Variants in OR2G6 observed in about 807,000 individuals in gnomAD.
OR2G6 encodes olfactory receptor family 2 subfamily G member 6, also known as olfactory receptor 2G6.
For synonymous variants in OR2G6, 183 were observed against 155.2 expected (o/e 1.18, Z -1.33); for missense variants, 457 against 391.3 (o/e 1.17, Z -1.42).
rs1664382105 is a variant in OR2G6, at chr1:248,525,728, A to G, written c.*3131A>G. The G allele has an allele frequency of 6.6e-6, 1 of 152,146 alleles. No individual in the cohort carries two copies. The highest frequency in any genetic ancestry group is 1.5e-5 in the Non-Finnish European group (1 of 68,016). 9.4% of individuals were successfully genotyped at this position (152,146 alleles called of 1,614,324 possible). A position where few individuals can be genotyped will look rare whatever the true frequency, so the allele number is the denominator to read the frequency against. On this transcript the variant is annotated 3_prime_UTR_variant, in exon 2 of 2. Coordinates refer to ENST00000641804, the MANE Select transcript of OR2G6 (RefSeq NM_001013355.2). ...ATCAAATTCACACATAAAAATATTA[A>G]TCTTAGGCAGGGCACAGTGGCTCAC...
chr1:248,521,937 T>C lies in OR2G6; in HGVS notation c.291T>C (p.Cys97=), dbSNP rs903952612. The C allele has an allele frequency of 1.9e-6, 3 of 1,614,032 alleles. No individual in the cohort carries two copies. The African/African-American group carries it at 4.0e-5, about 22-fold the overall frequency. Residue 97 remains cysteine, a synonymous_variant, in exon 2 of 2, where the codon TGT becomes TGC. Coordinates refer to ENST00000641804, the MANE Select transcript of OR2G6 (RefSeq NM_001013355.2). The part of the protein sequence containing the change: ...KKDKTMSYGG[C]VAQLYVAMGL... ...ACAAAACCATGAGCTACGGTGGCTG[T>C]GTGGCCCAGCTCTATGTGGCCATGG...
chr1:248,519,791 C>T (rs180825833), intron 1 of OR2G6, among the ~76,000 whole-genome samples: 70 of 152,190 alleles, frequency 4.6e-4, no homozygotes, highest in African/African-American at 1.6e-3. Flanking sequence ...GTCCTTTTTG[C>T]TTAGGATTGT....
At position 248,526,838 on chromosome 1, in the gene OR2G6, G is replaced by GT. The variant is rs1355261101; in HGVS notation, c.*4241_*4242insT. The stretch of plus-strand genomic sequence containing the variant: ...CATATCTTTCGCCCACTTTTTGATG[G>GT]GTTTTTTTTTTCTTGTAAATTTGTT... On this transcript the variant is annotated 3_prime_UTR_variant, in exon 2 of 2. Coordinates refer to ENST00000641804, the MANE Select transcript of OR2G6 (RefSeq NM_001013355.2). 3.5e-5 allele frequency: 5 copies of GT among 141,996 alleles called. No individual in the cohort carries two copies. The highest frequency in any genetic ancestry group is 1.4e-4 in the African/African-American group (5 of 34,522). The allele number at this position is 141,996 out of a possible 1,614,324, so 8.8% of individuals were successfully genotyped here.
Position 248,524,494 on chromosome 1 carries a change from T to C in OR2G6, c.*1897T>C, listed in dbSNP as rs1664355392. 6.6e-6 allele frequency: 1 copy of C among 152,166 alleles called. No individual in the cohort carries two copies. The highest frequency in any genetic ancestry group is 2.4e-5 in the African/African-American group (1 of 41,446). 9.4% of individuals were successfully genotyped at this position (152,166 alleles called of 1,614,324 possible). On this transcript the variant is annotated 3_prime_UTR_variant, in exon 2 of 2. Coordinates refer to ENST00000641804, the MANE Select transcript of OR2G6 (RefSeq NM_001013355.2). ...AGGAAGCGTCACATGTACAAATGCA[T>C]TATTCCTGATAACCCGAGCAACACA...
chr1:248,522,303 C>T lies in OR2G6; in HGVS notation c.657C>T (p.Gly219=), dbSNP rs868529409. Reference sequence around the variant, plus strand: ...TGTTACTCATCTTAGTCTCCTATGGCTTTATCACTCAAGCTGTGTTAAGGA... The same window carrying T: ...TGTTACTCATCTTAGTCTCCTATGGTTTTATCACTCAAGCTGTGTTAAGGA... The part of the protein sequence containing the change: ...VPVLLILVSY[G]FITQAVLRIK... Residue 219 remains glycine, a synonymous_variant, in exon 2 of 2, where the codon GGC becomes GGT. Coordinates refer to ENST00000641804, the MANE Select transcript of OR2G6 (RefSeq NM_001013355.2). 1.2e-6 allele frequency: 2 copies of T among 1,614,058 alleles called. No homozygotes were observed. Among genetic ancestry groups the T allele is most frequent in the Admixed American group, 1.7e-5 (1 of 59,998 alleles).
Position 248,522,186 on chromosome 1 carries a change from G to T in OR2G6, c.540G>T (p.Glu180Asp), listed in dbSNP as rs371447138. The T allele has an allele frequency of 1.5e-5, 25 of 1,614,134 alleles. No individual in the cohort carries two copies. In the African/African-American group the frequency reaches 3.2e-4, roughly 21 times the overall value. ...GCACACTGGATCATATTTTCTGTGAGGTGCCAGTGCTCATCAAACTGGCCT... is the reference window on the plus strand; with the variant it reads ...GCACACTGGATCATATTTTCTGTGATGTGCCAGTGCTCATCAAACTGGCCT... Reference protein sequence around the residue: ...GHRTLDHIFCEVPVLIKLACV... With the variant: ...GHRTLDHIFCDVPVLIKLACV... Residue 180 changes from glutamate (E) to aspartate (D), a missense_variant, in exon 2 of 2, where the codon GAG (glutamate) becomes GAT (aspartate). Physicochemically the swap from Glu to Asp is conservative, Grantham distance 45 (BLOSUM62 2). Coordinates refer to ENST00000641804, the MANE Select transcript of OR2G6 (RefSeq NM_001013355.2).
chr1:248,522,443 G>C lies in OR2G6; in HGVS notation c.797G>C (p.Arg266Thr). 1.2e-6 allele frequency: 2 copies of C among 1,614,088 alleles called. No individual in the cohort carries two copies. The highest frequency in any genetic ancestry group is 1.7e-6 in the Non-Finnish European group (2 of 1,180,022). ...IFMYLQPANR[R>T]SKNQGKFVSL... ...ATGTACCTTCAACCGGCCAATAGGAGATCCAAAAACCAGGGAAAGTTTGTT... is the reference window on the plus strand; with the variant it reads ...ATGTACCTTCAACCGGCCAATAGGACATCCAAAAACCAGGGAAAGTTTGTT... The change falls in exon 2 of 2, where the codon AGA becomes ACA. Residue 266 changes from arginine (R) to threonine (T), a missense_variant. Physicochemically the swap from Arg to Thr is moderately conservative, Grantham distance 71. Transcript: ENST00000641804.
rs1664371555 is a variant in OR2G6, at chr1:248,525,259, C to T, written c.*2662C>T. The stretch of plus-strand genomic sequence containing the variant: ...ACAATTAGTAAATCTAAAACAGGTA[C>T]ACATCAGTCAATTTGCACACATTAC... On this transcript the variant is annotated 3_prime_UTR_variant, in exon 2 of 2. Transcript: ENST00000641804. The T allele has an allele frequency of 6.6e-6, 1 of 151,866 alleles. No homozygotes were observed. Among genetic ancestry groups the T allele is most frequent in the Non-Finnish European group, 1.5e-5 (1 of 67,974 alleles). The allele number at this position is 151,866 out of a possible 1,614,324, so 9.4% of individuals were successfully genotyped here. A position where few individuals can be genotyped will look rare whatever the true frequency, so the allele number is the denominator to read the frequency against.
At chr1:248,521,095 C>T (rs12740504) in intron 1 of OR2G6, among the ~76,000 whole-genome samples, 33,880 of 147,150 alleles carry the variant, frequency 0.23, 4,369 homozygotes, top group African/African-American at 0.34. Flanking sequence ...TGGTGGCACA[C>T]GCCTGTAGTC....
At chr1:248,521,526 A>T in intron 1 of OR2G6, 85 bp from the exon 2 acceptor site, 1 of 704,164 alleles carries the variant, frequency 1.4e-6, no homozygotes, top group Non-Finnish European at 2.4e-6. Context: ...TAGGTGATAT[A>T]TAAGGAAGAT....
rs143651899 is a variant in OR2G6 at position 248,522,421 on chromosome 1, T to C, written c.775T>C (p.Tyr259His). The C allele has an allele frequency of 6.8e-6, 11 of 1,614,078 alleles. No homozygotes were observed. The highest frequency in any genetic ancestry group is 3.3e-4 in the Middle Eastern group (2 of 6,084). The change falls in exon 2 of 2, where the codon TAC (tyrosine) becomes CAC (histidine). Residue 259 changes from tyrosine (Y) to histidine (H), a missense_variant. Physicochemically the swap from Tyr to His is moderately conservative, Grantham distance 83. Transcript: ENST00000641804. ...TTTCTATGGGACCATCATATTCATG[T>C]ACCTTCAACCGGCCAATAGGAGATC... ...IIFYGTIIFM[Y>H]LQPANRRSKN...
Position 248,523,799 on chromosome 1 carries a change from A to G in OR2G6, c.*1202A>G, listed in dbSNP as rs1664341902. On this transcript the variant is annotated 3_prime_UTR_variant, in exon 2 of 2. Transcript: ENST00000641804. ...TTAAGAGAACTGTGCAATTATAGAA[A>G]AAAGTGATTTAATCTGTGGTTGTAA... 1 of 152,196 alleles carries G rather than the reference A, an allele frequency of 6.6e-6. No individual in the cohort carries two copies. Among genetic ancestry groups the G allele is most frequent in the Non-Finnish European group, 1.5e-5 (1 of 68,044 alleles). 9.4% of individuals were successfully genotyped at this position (152,196 alleles called of 1,614,324 possible). A position where few individuals can be genotyped will look rare whatever the true frequency, so the allele number is the denominator to read the frequency against.
In OR2G6 at chr1:248,525,270, A is replaced by C. The variant is rs984307781; in HGVS notation, c.*2673A>C. On this transcript the variant is annotated 3_prime_UTR_variant, in exon 2 of 2. Coordinates refer to ENST00000641804, the MANE Select transcript of OR2G6 (RefSeq NM_001013355.2). ...ATCTAAAACAGGTACACATCAGTCAATTTGCACACATTACTAGCTTGATCT... is the reference window on the plus strand; with the variant it reads ...ATCTAAAACAGGTACACATCAGTCACTTTGCACACATTACTAGCTTGATCT... 1.1e-4 allele frequency: 16 copies of C among 152,122 alleles called. No homozygotes were observed. The highest frequency in any genetic ancestry group is 3.6e-4 in the African/African-American group (15 of 41,422). The allele number at this position is 152,122 out of a possible 1,614,324, so 9.4% of individuals were successfully genotyped here. A position where few individuals can be genotyped will look rare whatever the true frequency, so the allele number is the denominator to read the frequency against.
chr1:248,522,193 G>C lies in OR2G6; in HGVS notation c.547G>C (p.Val183Leu). 6.2e-7 allele frequency: 1 copy of C among 1,614,174 alleles called. No homozygotes were observed. Among genetic ancestry groups the C allele is most frequent in the Non-Finnish European group, 8.5e-7 (1 of 1,180,034 alleles). The change falls in exon 2 of 2, where the codon GTG becomes CTG. Residue 183 changes from valine to leucine, a missense_variant. By Grantham distance (32) the Val-to-Leu change is conservative (BLOSUM62 1). Coordinates refer to ENST00000641804, the MANE Select transcript of OR2G6 (RefSeq NM_001013355.2). Reference protein sequence around the residue: ...TLDHIFCEVPVLIKLACVDTT... With the variant: ...TLDHIFCEVPLLIKLACVDTT... ...GGATCATATTTTCTGTGAGGTGCCA[G>C]TGCTCATCAAACTGGCCTGTGTGGA...
chr1:248,522,459 A>G lies in OR2G6; in HGVS notation c.813A>G (p.Gly271=), dbSNP rs1046991539. Residue 271 remains glycine, a synonymous_variant, in exon 2 of 2, where the codon GGA becomes GGG. Transcript: ENST00000641804. ...QPANRRSKNQ[G]KFVSLFYTIV... ...CCAATAGGAGATCCAAAAACCAGGG[A>G]AAGTTTGTTTCTCTTTTCTATACCA... The G allele has an allele frequency of 1.9e-6, 3 of 1,614,142 alleles. No homozygotes were observed. Among genetic ancestry groups the G allele is most frequent in the East Asian group, 4.5e-5 (2 of 44,880 alleles).
At position 248,524,803 on chromosome 1, in the gene OR2G6, A is replaced by AG. The variant is rs1664360638; in HGVS notation, c.*2207dup. The stretch of plus-strand genomic sequence containing the variant: ...TATACAATAAATTCAAACATAATTC[A>AG]GAAAAAAATAGAATATCTGCTTATT... On this transcript the variant is annotated 3_prime_UTR_variant, in exon 2 of 2. Coordinates refer to ENST00000641804, the MANE Select transcript of OR2G6 (RefSeq NM_001013355.2). 1 of 151,772 alleles carries AG rather than the reference A, an allele frequency of 6.6e-6. No homozygotes were observed. The allele number at this position is 151,772 out of a possible 1,614,324, so 9.4% of individuals were successfully genotyped here. A position where few individuals can be genotyped will look rare whatever the true frequency, so the allele number is the denominator to read the frequency against.
rs1664352201 is a variant in OR2G6 at position 248,524,272 on chromosome 1, A to T, written c.*1675A>T. On this transcript the variant is annotated 3_prime_UTR_variant, in exon 2 of 2. Coordinates refer to ENST00000641804, the MANE Select transcript of OR2G6 (RefSeq NM_001013355.2). ...CCTGTCCAGCTGGCACCTCTTCAATATACTTTTAGCAAACAAAATGATGAA... is the reference window on the plus strand; with the variant it reads ...CCTGTCCAGCTGGCACCTCTTCAATTTACTTTTAGCAAACAAAATGATGAA... The T allele has an allele frequency of 6.6e-6, 1 of 152,162 alleles. No homozygotes were observed. Among genetic ancestry groups the T allele is most frequent in the African/African-American group, 2.4e-5 (1 of 41,454 alleles). 9.4% of individuals were successfully genotyped at this position (152,162 alleles called of 1,614,324 possible).
chr1:248,522,109 A>T lies in OR2G6; in HGVS notation c.463A>T (p.Thr155Ser). ...AGGAWLSGLI[T>S]SLIQCSLTVQ... is the part of the protein sequence containing the mutation. ...TGGAGCATGGCTCAGCGGCCTCATC[A>T]CCTCCCTAATTCAGTGCTCCCTCAC... Residue 155 changes from threonine to serine, a missense_variant, in exon 2 of 2, where the codon ACC (threonine) becomes TCC (serine). Thr to Ser is a moderately conservative substitution (Grantham distance 58). Transcript: ENST00000641804. 3 of 1,613,410 alleles carry T rather than the reference A, an allele frequency of 1.9e-6. No individual in the cohort carries two copies. Among genetic ancestry groups the T allele is most frequent in the Non-Finnish European group, 2.5e-6 (3 of 1,179,846 alleles).
At chr1:248,520,915 G>A (rs967400159) in intron 1 of OR2G6, among the ~76,000 whole-genome samples, 3 of 149,238 alleles carry the variant, frequency 2.0e-5, no homozygotes, top group Non-Finnish European at 3.0e-5. Context: ...CATGGGGCCT[G>A]TGCCTGTAAT....
Sources: allele counts gnomAD v4.1 joint callset (sites outside exome capture counted in the v4.1 genomes callset), GRCh38; gene constraint gnomAD v4.1.1; transcripts MANE v1.5; gene names NCBI Gene and HGNC (gene_info 2026-07-23, HGNC 2026-07-21).